The following PDE9A variants were observed in gnomAD, a reference collection of about 807,000 sequenced individuals.
PDE9A encodes the protein phosphodiesterase 9A, also known as high affinity cGMP-specific 3',5'-cyclic phosphodiesterase 9A.
PDE9A carries 60 observed loss-of-function variants against 87.4 expected under a neutral mutation model. The ratio of observed to expected loss-of-function variants is 0.69; its 90% CI spans 0.56 to 0.85. The LOEUF (loss-of-function observed/expected upper bound fraction) is 0.85, where lower values mean the gene tolerates loss of function less well. Ranked by LOEUF, PDE9A falls within the 40% of genes least tolerant of loss-of-function variation. The pLI is 0.00. For synonymous variants in PDE9A, 272 were observed against 279.4 expected (o/e 0.97, Z 0.27); for missense variants, 665 against 779.0 (o/e 0.85, Z 1.74).
chr21:42,764,199 C>T (rs1033764166), intron 14 of PDE9A, among the ~76,000 whole-genome samples: 4 of 152,226 alleles, frequency 2.6e-5, no homozygotes, highest in Admixed American at 6.5e-5. Flanking sequence ...GCAGCGCTCT[C>T]GGGCCTGTGA....
chr21:42,704,653 T>C lies in PDE9A; in HGVS notation c.262+5642T>C, dbSNP rs1177654764. 6.6e-6 allele frequency among the ~76,000 whole-genome samples: 1 copy of C among 152,110 alleles called. No individual in the cohort carries two copies. On this transcript the variant is annotated intron_variant, in intron 4 of 19. Transcript: ENST00000291539. This position sits in a 1 kb window ranked among gnomAD's most constrained non-coding sequence, Gnocchi z 5.3. ...AGCGACGCCGCCCTGAGTTCTGGCC[T>C]GTAAGCAACCCCAGGTGCCCTTGTG...
intron 19 of PDE9A, among the ~76,000 whole-genome samples, chr21:42,774,756 C>G (rs530083494): frequency 6.6e-6 from 1 of 151,408 alleles, no homozygotes; most frequent in African/African-American, 2.4e-5. Flanking sequence ...GTGGCGTGCA[C>G]CTGTAATCCC....
rs1417242467 is a variant in PDE9A, at chr21:42,723,275, A to G, written c.263-8495A>G. On this transcript the variant is annotated intron_variant, in intron 4 of 19. Transcript: ENST00000291539. The surrounding 1 kb of genome is among the most constrained non-coding windows in gnomAD (Gnocchi z 4.3). ...AAACAGGACCCGGAGAATCTGCTGG[A>G]CTCCAGGATTGCCCTGGAACAAACC... 2.6e-5 allele frequency among the ~76,000 whole-genome samples: 4 copies of G among 152,054 alleles called. No individual in the cohort carries two copies. The East Asian group carries it at 7.7e-4, about 29-fold the overall frequency.
At chr21:42,774,934 G>A (rs980710071) in intron 19 of PDE9A, among the ~76,000 whole-genome samples, 1 of 150,086 alleles carries the variant, frequency 6.7e-6, no homozygotes, top group African/African-American at 2.5e-5. Context: ...TGCGACTGCT[G>A]GCACTTTTTT....
chr21:42,664,205 G>A (rs35643500), intron 1 of PDE9A, among the ~76,000 whole-genome samples: 2,160 of 152,340 alleles, frequency 0.014, 24 homozygotes, highest in South Asian at 0.024. Context: ...TAAAAATAGC[G>A]AGGCCAAGAG....
At chr21:42,657,648 C>A (rs2057181256) in intron 1 of PDE9A, among the ~76,000 whole-genome samples, 1 of 152,204 alleles carries the variant, frequency 6.6e-6, no homozygotes, top group Non-Finnish European at 1.5e-5. Flanking sequence ...GGTGGCACAT[C>A]CAGGCTTGGG....
chr21:42,766,843 G>T (rs1477659047), intron 15 of PDE9A, among the ~76,000 whole-genome samples: 1 of 152,172 alleles, frequency 6.6e-6, no homozygotes, highest in Non-Finnish European at 1.5e-5. Flanking sequence ...AGGCCCCGCC[G>T]ATGCCTTCCT....
At chr21:42,733,329 A>T in intron 6 of PDE9A, 27 bp from the exon 7 acceptor site, 2 of 1,376,910 alleles carry the variant, frequency 1.5e-6, no homozygotes, top group Non-Finnish European at 2.1e-6. Context: ...GGTCATATTT[A>T]CTCTCTCTTT....
chr21:42,768,577 G>T, intron 16 of PDE9A: 3 of 985,460 alleles, frequency 3.0e-6, no homozygotes, highest in Non-Finnish European at 3.6e-6. Context: ...CAAATTGCCT[G>T]AAAGTCAAGA....
chr21:42,697,374 G>T, intron 3 of PDE9A: 1 of 1,231,386 alleles, frequency 8.1e-7, no homozygotes, highest in Non-Finnish European at 1.2e-6. Flanking sequence ...GAACAGCTTG[G>T]TGTGTATACC....
At chr21:42,669,071 C>T (rs996320748) in intron 1 of PDE9A, among the ~76,000 whole-genome samples, 2 of 152,072 alleles carry the variant, frequency 1.3e-5, no homozygotes, top group Non-Finnish European at 2.9e-5. Context: ...CCATTGCTTG[C>T]GAAAAAGATT....
intron 4 of PDE9A, among the ~76,000 whole-genome samples, chr21:42,720,536 C>T (rs2050397814): frequency 6.6e-6 from 1 of 152,142 alleles, no homozygotes; most frequent in East Asian, 1.9e-4. Flanking sequence ...GGGCAAGAAG[C>T]CACACAGAAA....
At chr21:42,762,013 G>A in intron 13 of PDE9A, 70 bp from the exon 14 acceptor site, 14 of 1,463,880 alleles carry the variant, frequency 9.6e-6, no homozygotes, top group Non-Finnish European at 1.2e-5. Context: ...ACATGGCTGG[G>A]TGTTGCTCCC....
chr21:42,690,922 A>G (rs2284962), intron 3 of PDE9A, among the ~76,000 whole-genome samples: 102,162 of 151,916 alleles, frequency 0.67, 35,137 homozygotes, highest in East Asian at 0.94. Flanking sequence ...AGCACCATCC[A>G]CAGTCACCCA....
At chr21:42,656,941 C>T (rs1473228684) in intron 1 of PDE9A, among the ~76,000 whole-genome samples, 2 of 152,202 alleles carry the variant, frequency 1.3e-5, no homozygotes, top group African/African-American at 2.4e-5. Flanking sequence ...TCAATGAGCC[C>T]GCCGTGTTTA....
At chr21:42,654,230 C>G (rs2056875670) in intron 1 of PDE9A, among the ~76,000 whole-genome samples, 1 of 152,204 alleles carries the variant, frequency 6.6e-6, no homozygotes, top group South Asian at 2.1e-4. Flanking sequence ...GGGTCGTGGT[C>G]CGCGGAGGGG....
rs10451854 is a variant in PDE9A, at chr21:42,739,820, G to T, written c.569-3956G>T. On this transcript the variant is annotated intron_variant, in intron 7 of 19. Coordinates refer to ENST00000291539, the MANE Select transcript of PDE9A (RefSeq NM_002606.3). This position sits in a 1 kb window ranked among gnomAD's most constrained non-coding sequence, Gnocchi z 4.1. ...GACATGGGAAAAAAATTATAGGTTT[G>T]TTGCAAACTCATTTAGCAGCAAAAA... Among the ~76,000 whole-genome samples the T allele has an allele frequency of 1.1e-4, 17 of 152,150 alleles. No individual in the cohort carries two copies. The highest frequency in any genetic ancestry group is 4.1e-4 in the African/African-American group (17 of 41,512).
At chr21:42,718,052 G>A (rs894209586) in intron 4 of PDE9A, among the ~76,000 whole-genome samples, 2 of 151,252 alleles carry the variant, frequency 1.3e-5, no homozygotes, top group African/African-American at 2.4e-5. Flanking sequence ...GGGATTGCAG[G>A]TGCCCGCCAC....
At chr21:42,754,508 G>A (rs1030545436) in intron 10 of PDE9A, among the ~76,000 whole-genome samples, 10 of 152,254 alleles carry the variant, frequency 6.6e-5, no homozygotes, top group Admixed American at 5.2e-4. Context: ...ACAGGCAACC[G>A]GCTGCCCCAG....
Sources: allele counts gnomAD v4.1 joint callset (sites outside exome capture counted in the v4.1 genomes callset), GRCh38; gene constraint gnomAD v4.1.1; non-coding constraint Gnocchi (gnomAD v3.1); transcripts MANE v1.5; gene names NCBI Gene and HGNC (gene_info 2026-07-23, HGNC 2026-07-21).